The following SYNE1 variants were observed in gnomAD, a reference collection of about 807,000 sequenced individuals.
The protein encoded by SYNE1 is nesprin-1.
In SYNE1, 616 loss-of-function variants were observed where a neutral mutation model predicts 1,111.0. The observed-to-expected ratio is 0.55, with a 90% CI of 0.52 to 0.59. The LOEUF (loss-of-function observed/expected upper bound fraction) is 0.59, where lower values mean the gene tolerates loss of function less well. SYNE1 is among the 20% of genes least tolerant of loss of function. The pLI, the probability that SYNE1 is intolerant of heterozygous loss-of-function variation, is 0.00. For missense variants in SYNE1, 10,006 were observed against 10,417.0 expected (o/e 0.96, Z 1.72); for synonymous variants, 3,855 against 3,825.8 (o/e 1.01, Z -0.28).
chr6:152,149,772 G>C, intron 135 of SYNE1, 104 bp from the exon 136 acceptor site: 1 of 984,862 alleles, frequency 1.0e-6, no homozygotes, highest in Non-Finnish European at 1.6e-6. Flanking sequence ...AAGACATGTA[G>C]GGGCTATTTA....
intron 111 of SYNE1, 36 bp from the exon 112 acceptor site, chr6:152,233,999 T>A: frequency 2.5e-6 from 4 of 1,606,446 alleles, no homozygotes; most frequent in Non-Finnish European, 3.4e-6. Context: ...TAGGGTTAAA[T>A]AGCTAGACCA....
intron 9 of SYNE1, among the ~76,000 whole-genome samples, 160 bp downstream of exon 9, chr6:152,505,041 T>C (rs1564509871): frequency 6.6e-6 from 1 of 152,244 alleles, no homozygotes; most frequent in Non-Finnish European, 1.5e-5. Flanking sequence ...GGTAGATATT[T>C]ATCCAGAAGA....
At chr6:152,147,966 T>G (rs1197918431) in intron 137 of SYNE1, 79 bp downstream of exon 137, 1 of 1,203,066 alleles carries the variant, frequency 8.3e-7, no homozygotes, top group Non-Finnish European at 1.2e-6. Context: ...TGATTCTGGA[T>G]AGCTGTCATG....
chr6:152,449,477 CATT>C (rs2098629068), intron 28 of SYNE1, 53 bp downstream of exon 28: 18 of 1,270,900 alleles, frequency 1.4e-5, no homozygotes, highest in Non-Finnish European at 2.1e-5. Context: ...GATTCTCTAA[CATT>C]ATTCTTCCAC....
chr6:152,221,071 G>T, intron 118 of SYNE1, 25 bp from the exon 119 acceptor site: 1 of 1,611,654 alleles, frequency 6.2e-7, no homozygotes, highest in South Asian at 1.1e-5. Flanking sequence ...CAACACTCAT[G>T]AGCAGATTAC....
chr6:152,135,506 T>C (rs900919467), intron 141 of SYNE1, among the ~76,000 whole-genome samples: 1 of 152,236 alleles, frequency 6.6e-6, no homozygotes. Context: ...AGTGCTATTA[T>C]ACAGTTTGGA....
chr6:152,485,575 G>T (rs79867282), intron 12 of SYNE1, among the ~76,000 whole-genome samples: 42 of 152,202 alleles, frequency 2.8e-4, no homozygotes, highest in African/African-American at 9.6e-4. Flanking sequence ...CAGTACAGTT[G>T]ACATCAATGT....
intron 140 of SYNE1, among the ~76,000 whole-genome samples, chr6:152,137,740 G>C (rs552395252): frequency 1.3e-5 from 2 of 152,144 alleles, no homozygotes; most frequent in African/African-American, 4.8e-5. Flanking sequence ...AATCTGTCTT[G>C]ATTTTGCACT....
At chr6:152,630,131 A>T (rs1191012869) in intron 2 of SYNE1, among the ~76,000 whole-genome samples, 1 of 143,782 alleles carries the variant, frequency 7.0e-6, no homozygotes, top group Non-Finnish European at 1.5e-5. Flanking sequence ...CTATTATCTA[A>T]AAAAAAAAAA....
chr6:152,317,234 C>CTTT (rs61399339), intron 86 of SYNE1, among the ~76,000 whole-genome samples: 1 of 135,904 alleles, frequency 7.4e-6, no homozygotes, highest in African/African-American at 2.7e-5. Context: ...TTTCTTTTTT[C>CTTT]TTTTTTTTTT....
chr6:152,397,007 T>C (rs1157272773), intron 49 of SYNE1, 27 bp from the exon 50 acceptor site: 1 of 1,604,032 alleles, frequency 6.2e-7, no homozygotes, highest in Non-Finnish European at 8.5e-7. Flanking sequence ...AGGTAATAGG[T>C]CCATGGGACT....
chr6:152,364,780 T>A, intron 63 of SYNE1, 67 bp downstream of exon 63: 1 of 1,600,756 alleles, frequency 6.2e-7, no homozygotes. Flanking sequence ...AGGAATGGTC[T>A]GTTCAGTAGT....
chr6:152,356,597 G>T (rs1003578352), intron 66 of SYNE1, among the ~76,000 whole-genome samples: 1 of 150,836 alleles, frequency 6.6e-6, no homozygotes, highest in Non-Finnish European at 1.5e-5. Flanking sequence ...AGGCCTTCAG[G>T]TTATACAAAA....
intron 63 of SYNE1, among the ~76,000 whole-genome samples, chr6:152,362,622 C>G (rs2096953856): frequency 6.6e-6 from 1 of 152,126 alleles, no homozygotes; most frequent in Non-Finnish European, 1.5e-5. Flanking sequence ...AAAGGCAAAA[C>G]TGAGAGAGAT....
chr6:152,316,683 G>A, intron 87 of SYNE1, 166 bp downstream of exon 87: 1 of 693,768 alleles, frequency 1.4e-6, no homozygotes, highest in Non-Finnish European at 2.4e-6. Flanking sequence ...TTCATGAGAA[G>A]CTCCTTTCTG....
chr6:152,585,876 T>C (rs1003150209), intron 3 of SYNE1, among the ~76,000 whole-genome samples: 5 of 152,190 alleles, frequency 3.3e-5, no homozygotes, highest in Admixed American at 2.6e-4. Flanking sequence ...TTTAAACCTT[T>C]GGTCTGCTTG....
chr6:152,496,531 T>C (rs1357057774), intron 11 of SYNE1, among the ~76,000 whole-genome samples: 1 of 152,116 alleles, frequency 6.6e-6, no homozygotes, highest in Non-Finnish European at 1.5e-5. Flanking sequence ...ATCCAGGCCA[T>C]CACCAATCAT....
rs765407593 is a variant in SYNE1 at position 152,143,680 on chromosome 6, A to G, written c.25062T>C (p.Asn8354=). Residue 8354 remains asparagine, a synonymous_variant, in exon 138 of 146, where the codon AAT becomes AAC. Transcript: ENST00000367255. The part of the protein sequence containing the change: ...DSRFQIQQTE[N]IIRSKTPTGP... ...CCGTGGGAGTTTTGCTGCGAATGAT[A>G]TTTTCGGTTTGCTGTATCTGAAAAC... The G allele has an allele frequency of 2.2e-5, 35 of 1,613,916 alleles. No individual in the cohort carries two copies. Among genetic ancestry groups the G allele is most frequent in the Non-Finnish European group, 2.9e-5 (34 of 1,180,012 alleles).
Position 152,140,018 on chromosome 6 carries a change from C to T in SYNE1, c.25390G>A (p.Glu8464Lys). The T allele has an allele frequency of 1.2e-6, 2 of 1,614,132 alleles. No homozygotes were observed. The highest frequency in any genetic ancestry group is 1.7e-6 in the Non-Finnish European group (2 of 1,180,010). ...CTGAGTTCCAGACGCTGGAGCTGTT[C>T]CAACTCCTCCTCCGTGTCCCCCAGC... is the stretch of plus-strand genomic sequence containing the variant. ...AWLGDTEEEL[E>K]QLQRLELSTD... Residue 8464 changes from glutamate (E) to lysine (K), a missense_variant, in exon 140 of 146, where the codon GAA becomes AAA. By Grantham distance (56) the Glu-to-Lys change is moderately conservative. This residue lies in a region of SYNE1 where 761 missense variants were observed against 795.5 expected (regional missense o/e 0.96). Transcript: ENST00000367255.
Sources: allele counts gnomAD v4.1 joint callset (sites outside exome capture counted in the v4.1 genomes callset), GRCh38; gene constraint gnomAD v4.1.1; regional missense constraint gnomAD v4.1.1; transcripts MANE v1.5; gene names NCBI Gene and HGNC (gene_info 2026-07-23, HGNC 2026-07-21).